TNC: variants seen among roughly 807,000 people sequenced by gnomAD.
TNC encodes the protein tenascin C.
TNC carries 109 observed loss-of-function variants against 202.4 expected under a neutral mutation model. That is an observed-to-expected ratio of 0.54 (90% confidence interval 0.46 to 0.63). The LOEUF (loss-of-function observed/expected upper bound fraction) is 0.63, where lower values mean the gene tolerates loss of function less well. Among genes scored for constraint, TNC ranks in the 30% least tolerant of loss-of-function variants. The pLI, the probability that TNC is intolerant of heterozygous loss-of-function variation, is 0.00. For missense variants in TNC, 2,756 were observed against 2,833.3 expected (o/e 0.97, Z 0.62); for synonymous variants, 1,007 against 1,089.7 (o/e 0.92, Z 1.50).
intron 1 of TNC, among the ~76,000 whole-genome samples, chr9:115,109,553 T>C (rs1564157884): frequency 1.3e-5 from 2 of 152,236 alleles, no homozygotes; most frequent in Non-Finnish European, 1.5e-5. Flanking sequence ...TTGAGCCTGT[T>C]CTTTCCTCCT....
At chr9:115,109,976 G>T (rs1836914107) in intron 1 of TNC, among the ~76,000 whole-genome samples, 1 of 152,170 alleles carries the variant, frequency 6.6e-6, no homozygotes, top group Non-Finnish European at 1.5e-5. Context: ...AGATAAACCA[G>T]ATACAATTTT....
chr9:115,034,683 G>A lies in TNC; in HGVS notation c.5787+521C>T, dbSNP rs142917948. 2.2e-4 allele frequency among the ~76,000 whole-genome samples: 33 copies of A among 152,300 alleles called. No individual in the cohort carries two copies. The East Asian group carries it at 5.4e-3, about 25-fold the overall frequency. ...TTCAATAACAAGTTTGGAAGGTAAA[G>A]TTTAGGAAATCTCCTTCGCTTGTTT... On this transcript the variant is annotated intron_variant, in intron 22 of 27. Coordinates refer to ENST00000350763, the MANE Select transcript of TNC (RefSeq NM_002160.4).
intron 1 of TNC, among the ~76,000 whole-genome samples, chr9:115,104,819 A>G (rs1479980786): frequency 6.6e-6 from 1 of 152,222 alleles, no homozygotes; most frequent in African/African-American, 2.4e-5. Context: ...GGGATCAATT[A>G]TGTTTCAACT....
At chr9:115,071,428 T>C (rs7048025) in intron 10 of TNC, among the ~76,000 whole-genome samples, 41,145 of 152,118 alleles carry the variant, frequency 0.27, 5,935 homozygotes, top group African/African-American at 0.37. Flanking sequence ...GGAATGCCAA[T>C]ATGGGGCTCT....
chr9:115,028,924 GAAAAAAAAA>G (rs57737243), intron 25 of TNC, among the ~76,000 whole-genome samples: 6 of 63,960 alleles, frequency 9.4e-5, no homozygotes, highest in African/African-American at 3.2e-4. Context: ...CATTATCTCT[GAAAAAAAAA>G]AAAAAAAAAA....
At position 115,104,600 on chromosome 9, in the gene TNC, G is replaced by A. The variant is rs189268331; in HGVS notation, c.-137+13382C>T. ...TATTCAACTATAAAATCTCTCCAGG[G>A]TTGTTTGAGGCAGTGAATGGGACAA... On this transcript the variant is annotated intron_variant, in intron 1 of 27. Coordinates refer to ENST00000350763, the MANE Select transcript of TNC (RefSeq NM_002160.4). Among the ~76,000 whole-genome samples, 9 of 152,278 alleles carry A rather than the reference G, an allele frequency of 5.9e-5. No homozygotes were observed. The East Asian group carries it at 1.7e-3, about 29-fold the overall frequency.
intron 21 of TNC, 44 bp downstream of exon 21, chr9:115,036,054 G>A (rs764676954): frequency 1.2e-6 from 2 of 1,608,978 alleles, no homozygotes; most frequent in Non-Finnish European, 1.7e-6. Context: ...GCTGTGGGTG[G>A]GCACCCCAGA....
chr9:115,043,572 A>T (rs998384567), intron 17 of TNC, among the ~76,000 whole-genome samples: 1 of 152,230 alleles, frequency 6.6e-6, no homozygotes, highest in Non-Finnish European at 1.5e-5. Context: ...ATTAGCAGAG[A>T]TAACAAATGT....
chr9:115,025,674 C>G (rs1829422901), intron 26 of TNC, among the ~76,000 whole-genome samples: 3 of 152,142 alleles, frequency 2.0e-5, no homozygotes. Flanking sequence ...AACTTCTTTC[C>G]TCCTCTGTAT....
In TNC at chr9:115,036,240, C is replaced by A. The variant is rs1267200621; in HGVS notation, c.5514G>T (p.Val1838=). The change falls in exon 21 of 28, where the codon GTG becomes GTT. Residue 1838 remains valine (V), a splice_region_variant and synonymous_variant. Coordinates refer to ENST00000350763, the MANE Select transcript of TNC (RefSeq NM_002160.4). ...SYVISYTGEK[V]PEITRTVSGN... The stretch of plus-strand genomic sequence containing the variant: ...CGGACACCGTGCGTGTAATTTCTGG[C>A]ACTAAACATGAAATACACATACCAA... 6.2e-7 allele frequency: 1 copy of A among 1,614,074 alleles called. No homozygotes were observed. The highest frequency in any genetic ancestry group is 2.2e-5 in the East Asian group (1 of 44,882).
intron 2 of TNC, among the ~76,000 whole-genome samples, chr9:115,088,270 T>A (rs930637455): frequency 6.6e-6 from 1 of 152,180 alleles, no homozygotes; most frequent in African/African-American, 2.4e-5. Context: ...TTTTCCAAAG[T>A]TTTTTGTGGA....
chr9:115,062,947 T>A lies in TNC; in HGVS notation c.4003A>T (p.Thr1335Ser). 1 of 1,613,848 alleles carries A rather than the reference T, an allele frequency of 6.2e-7. No homozygotes were observed. Among genetic ancestry groups the A allele is most frequent in the East Asian group, 2.2e-5 (1 of 44,862 alleles). ...ACGACCTCTACAGCAAGGGGTCGAG[T>A]GCTGTGGCCCCTGACCTCGCCGTGC... Reference protein sequence around the residue: ...TLHGEVRGHSTRPLAVEVVTE... With the variant: ...TLHGEVRGHSSRPLAVEVVTE... Residue 1335 changes from threonine to serine, a missense_variant, in exon 13 of 28, where the codon ACT (threonine) becomes TCT (serine). Coordinates refer to ENST00000350763, the MANE Select transcript of TNC (RefSeq NM_002160.4).
At chr9:115,080,969 C>T (rs540623358) in intron 6 of TNC, among the ~76,000 whole-genome samples, 33 of 151,806 alleles carry the variant, frequency 2.2e-4, no homozygotes, top group Non-Finnish European at 3.5e-4. Context: ...TGATCTAGTA[C>T]TGCTAAATCC....
intron 17 of TNC, among the ~76,000 whole-genome samples, chr9:115,042,597 G>A (rs1487253391): frequency 1.3e-5 from 2 of 152,154 alleles, no homozygotes; most frequent in African/African-American, 2.4e-5. Flanking sequence ...GACCATAGCT[G>A]ACTTCCAAGG....
At chr9:115,096,279 G>A (rs994617621) in intron 1 of TNC, among the ~76,000 whole-genome samples, 10 of 152,086 alleles carry the variant, frequency 6.6e-5, no homozygotes, top group South Asian at 2.1e-4. Flanking sequence ...TCTTGAATTC[G>A]AAGTGCTCTG....
chr9:115,034,307 C>G (rs1254168255), intron 22 of TNC, among the ~76,000 whole-genome samples: 2 of 152,230 alleles, frequency 1.3e-5, no homozygotes, highest in Non-Finnish European at 2.9e-5. Flanking sequence ...CTTGCCCAAT[C>G]ATTCTGCAGG....
At position 115,020,565 on chromosome 9, in the gene TNC, A is replaced by T. The variant is rs780782907; in HGVS notation, c.*592T>A. ...GTACTTGTGCTTTTATTTAAAAAAA[A>T]AATACAATCAGGTACTGTCCAGAAA... On this transcript the variant is annotated 3_prime_UTR_variant, in exon 28 of 28. Coordinates refer to ENST00000350763, the MANE Select transcript of TNC (RefSeq NM_002160.4). 2 of 271,868 alleles carry T rather than the reference A, an allele frequency of 7.4e-6. No individual in the cohort carries two copies. Among genetic ancestry groups the T allele is most frequent in the South Asian group, 7.4e-5 (2 of 27,102 alleles). The allele number at this position is 271,868 out of a possible 1,614,324, so 16.8% of individuals were successfully genotyped here.
intron 27 of TNC, among the ~76,000 whole-genome samples, chr9:115,022,068 G>A (rs1288982887): frequency 6.6e-6 from 1 of 152,224 alleles, no homozygotes; most frequent in Non-Finnish European, 1.5e-5. Context: ...TGACTCTTCA[G>A]CGAAGTCTGC....
chr9:115,073,458 T>A, intron 10 of TNC, 145 bp downstream of exon 10: 2 of 909,876 alleles, frequency 2.2e-6, no homozygotes, highest in Non-Finnish European at 3.2e-6. Context: ...AAGCAGCCCT[T>A]TCAAAGTGGT....
Sources: gnomAD v4.1 joint callset for allele counts (sites outside exome capture counted in the v4.1 genomes callset) on GRCh38, gnomAD v4.1.1 for gene constraint, MANE v1.5 for transcripts, NCBI Gene and HGNC (gene_info 2026-07-23, HGNC 2026-07-21) for gene names.